The following TSPEAR variants were observed in gnomAD, a reference collection of about 807,000 sequenced individuals.
The protein encoded by TSPEAR is thrombospondin type laminin G domain and EAR repeats.
TSPEAR carries 69 observed loss-of-function variants against 71.6 expected under a neutral mutation model. That is an observed-to-expected ratio of 0.96 (90% CI 0.79 to 1.18). TSPEAR has a LOEUF of 1.18. TSPEAR is among the 50% of genes most tolerant of loss of function. The pLI, the probability that TSPEAR is intolerant of heterozygous loss-of-function variation, is 0.00. For synonymous variants in TSPEAR, 402 were observed against 387.2 expected, an observed-to-expected ratio of 1.04 and a Z score of -0.45; for missense variants, 971 against 894.9, an observed-to-expected ratio of 1.09 and a Z score of -1.09.
intron 1 of TSPEAR, among the ~76,000 whole-genome samples, chr21:44,589,101 A>G (rs1979569699): frequency 6.6e-6 from 1 of 152,180 alleles, no homozygotes; most frequent in South Asian, 2.1e-4. Context: ...TCAACACTAA[A>G]TTACTAATCC....
intron 1 of TSPEAR, chr21:44,666,954 C>A: frequency 6.5e-7 from 1 of 1,528,918 alleles, no homozygotes. Flanking sequence ...CCCTGGGCAG[C>A]CTTTATACCT....
intron 1 of TSPEAR, among the ~76,000 whole-genome samples, chr21:44,682,386 C>G (rs1986648756): frequency 6.6e-6 from 1 of 152,212 alleles, no homozygotes; most frequent in Non-Finnish European, 1.5e-5. Context: ...CCAAATTTAT[C>G]AGTGATGCAC....
intron 10 of TSPEAR, among the ~76,000 whole-genome samples, chr21:44,505,835 A>ATG (rs1214072283): frequency 6.6e-6 from 1 of 152,078 alleles, no homozygotes; most frequent in Non-Finnish European, 1.5e-5. Flanking sequence ...AATTTCCTCC[A>ATG]TGTGGCTACT....
chr21:44,684,721 T>G (rs1555948680), intron 1 of TSPEAR, among the ~76,000 whole-genome samples: 1 of 152,072 alleles, frequency 6.6e-6, no homozygotes, highest in African/African-American at 2.4e-5. Context: ...CGGATGTGCT[T>G]TAGGTTGACT....
intron 1 of TSPEAR, among the ~76,000 whole-genome samples, chr21:44,568,865 G>T (rs1196117558): frequency 6.6e-6 from 1 of 152,190 alleles, no homozygotes; most frequent in Non-Finnish European, 1.5e-5. Context: ...GCCTCAGCCT[G>T]GCATGAGGGT....
chr21:44,637,880 G>A lies in TSPEAR; in HGVS notation c.83-69875C>T, dbSNP rs587625812. On this transcript the variant is annotated intron_variant, in intron 1 of 11. Transcript: ENST00000323084. Reference sequence around the variant, plus strand: ...CTGTGTGCCTGTCTGCTCTAAGTCCGTCTGCTATGTGCCTGTGTGCTCTGG... The same window carrying A: ...CTGTGTGCCTGTCTGCTCTAAGTCCATCTGCTATGTGCCTGTGTGCTCTGG... The A allele has an allele frequency of 7.7e-5, 117 of 1,528,326 alleles. No individual in the cohort carries two copies. Among genetic ancestry groups the A allele is most frequent in the Middle Eastern group, 1.7e-4 (1 of 5,820 alleles). The allele number at this position is 1,528,326 out of a possible 1,614,324, so 94.7% of individuals were successfully genotyped here.
intron 2 of TSPEAR, among the ~76,000 whole-genome samples, chr21:44,537,369 TA>T (rs1226173527): frequency 1.3e-5 from 2 of 152,158 alleles, no homozygotes; most frequent in Non-Finnish European, 2.9e-5. Context: ...TTTTAGAAAA[TA>T]AGATAGTGGC....
chr21:44,640,509 C>T (rs1401377831), intron 1 of TSPEAR, among the ~76,000 whole-genome samples: 2 of 152,220 alleles, frequency 1.3e-5, no homozygotes, highest in African/African-American at 2.4e-5. Flanking sequence ...GGATTGTGCA[C>T]TTACAGTGGG....
intron 1 of TSPEAR, chr21:44,637,783 T>C (rs1555937313): frequency 7.4e-7 from 1 of 1,344,780 alleles, no homozygotes; most frequent in Non-Finnish European, 1.0e-6. Context: ...GCTCCGAGTC[T>C]TCCCCTTCAT....
intron 1 of TSPEAR, among the ~76,000 whole-genome samples, chr21:44,699,620 C>T (rs1463129009): frequency 6.6e-6 from 1 of 152,134 alleles, no homozygotes; most frequent in African/African-American, 2.4e-5. Flanking sequence ...GCCGGCCAGC[C>T]CCTGCTGCGC....
intron 1 of TSPEAR, chr21:44,574,182 C>T (rs782408583): frequency 1.2e-6 from 2 of 1,610,466 alleles, no homozygotes; most frequent in South Asian, 1.1e-5. Context: ...GTCTAGCTGC[C>T]AGTCAGCTTG....
intron 1 of TSPEAR, among the ~76,000 whole-genome samples, chr21:44,588,728 GTATA>G (rs71326052): frequency 7.5e-6 from 1 of 132,660 alleles, no homozygotes; most frequent in Non-Finnish European, 1.6e-5. Flanking sequence ...ATATGTGTGT[GTATA>G]TATGTATATA....
chr21:44,509,298 A>T lies in TSPEAR; in HGVS notation c.1655T>A (p.Met552Lys). ...GACATAGGAATCATTCTGGACTTGC[A>T]TCTCCACATCGTAGCTGTGACTGTT... ...VANSHSYDVE[M>K]QVQNDSYVIN... Residue 552 changes from methionine to lysine, a missense_variant, in exon 10 of 12, where the codon ATG becomes AAG. Met to Lys is a moderately conservative substitution (Grantham distance 95). Coordinates refer to ENST00000323084, the MANE Select transcript of TSPEAR (RefSeq NM_144991.3). 1 of 1,614,064 alleles carries T rather than the reference A, an allele frequency of 6.2e-7. No homozygotes were observed. The highest frequency in any genetic ancestry group is 8.5e-7 in the Non-Finnish European group (1 of 1,180,006).
intron 1 of TSPEAR, among the ~76,000 whole-genome samples, chr21:44,578,869 A>G (rs1483443708): frequency 7.2e-5 from 11 of 152,184 alleles, no homozygotes; most frequent in Admixed American, 3.3e-4. Flanking sequence ...ACGGTCCTGC[A>G]GGTGCGGACT....
At chr21:44,635,282 G>T (rs183731204) in intron 1 of TSPEAR, among the ~76,000 whole-genome samples, 1 of 144,682 alleles carries the variant, frequency 6.9e-6, no homozygotes, top group East Asian at 2.1e-4. Flanking sequence ...GGAGGTGGAG[G>T]TTGCAGTGAG....
At chr21:44,635,108 G>A (rs910316049) in intron 1 of TSPEAR, among the ~76,000 whole-genome samples, 3 of 152,118 alleles carry the variant, frequency 2.0e-5, no homozygotes, top group Non-Finnish European at 4.4e-5. Flanking sequence ...ACTTTGGGAG[G>A]CCGAGGCGGG....
At chr21:44,598,692 TG>T (rs1242783952) in intron 1 of TSPEAR, among the ~76,000 whole-genome samples, 1 of 152,232 alleles carries the variant, frequency 6.6e-6, no homozygotes. Flanking sequence ...TTATTGTTAA[TG>T]TCATCATGCA....
At chr21:44,540,224 C>CTGAGTGTGTGAG (rs1168512138) in intron 2 of TSPEAR, 3 of 1,572,006 alleles carry the variant, frequency 1.9e-6, no homozygotes, top group South Asian at 1.2e-5. Context: ...GTGTGAGTGA[C>CTGAGTGTGTGAG]TGAGTGTGTG....
At chr21:44,685,620 G>T (rs1252373964) in intron 1 of TSPEAR, among the ~76,000 whole-genome samples, 1 of 152,184 alleles carries the variant, frequency 6.6e-6, no homozygotes, top group Non-Finnish European at 1.5e-5. Context: ...GCCCACTGTG[G>T]TCACACGCCT....
Sources: allele counts gnomAD v4.1 joint callset (sites outside exome capture counted in the v4.1 genomes callset), GRCh38; gene constraint gnomAD v4.1.1; transcripts MANE v1.5; gene names NCBI Gene and HGNC (gene_info 2026-07-23, HGNC 2026-07-21).